The following RET variants were observed in gnomAD, a reference collection of about 807,000 sequenced individuals.
The protein encoded by RET is proto-oncogene tyrosine-protein kinase receptor Ret.
Under a neutral mutation model 118.3 loss-of-function variants are expected in RET, and 19 were observed. That is an observed-to-expected ratio of 0.16 (90% CI 0.11 to 0.24). The LOEUF (loss-of-function observed/expected upper bound fraction) is 0.24. RET is among the 10% of genes least tolerant of loss of function. The pLI, the probability that RET is intolerant of heterozygous loss-of-function variation, is 1.00. For synonymous variants in RET, 597 were observed against 644.1 expected, an observed-to-expected ratio of 0.93 and a Z score of 1.11; for missense variants, 1,219 against 1,502.1, an observed-to-expected ratio of 0.81 and a Z score of 3.12.
rs1158236145 is a variant in RET at position 43,111,288 on chromosome 10, T to C, written c.1345T>C (p.Cys449Arg). 6.2e-7 allele frequency: 1 copy of C among 1,614,172 alleles called. No homozygotes were observed. Among genetic ancestry groups the C allele is most frequent in the Admixed American group, 1.7e-5 (1 of 60,024 alleles). ...CAAGCTGCATTCCTCTGGTGCCAAC[T>C]GCAGCACGCTAGGGGTGGTCACCTC... ...QYKLHSSGAN[C>R]STLGVVTSAE... The change falls in exon 7 of 20, where the codon TGC (cysteine) becomes CGC (arginine). Residue 449 changes from cysteine to arginine, a missense_variant. Cys to Arg is a radical substitution (Grantham distance 180, BLOSUM62 -3). This residue lies in a region of RET where 850 missense variants were observed against 969.6 expected (regional missense o/e 0.88). Transcript: ENST00000355710.
chr10:43,096,157 T>C (rs1274368705), intron 1 of RET, among the ~76,000 whole-genome samples: 1 of 152,114 alleles, frequency 6.6e-6, no homozygotes, highest in African/African-American at 2.4e-5. Context: ...GGAAAAGCTT[T>C]GTAAGTCCTG....
rs886046985 is a variant in RET at position 43,077,127 on chromosome 10, G to T, written c.-132G>T. On this transcript the variant is annotated 5_prime_UTR_variant, in exon 1 of 20. Transcript: ENST00000355710. Reference sequence around the variant, plus strand: ...CTGAGTGCCCCGGAACGTGCGTCGCGCCCCCAGTGTCCGTCGCGTCCGCCG... The same window carrying T: ...CTGAGTGCCCCGGAACGTGCGTCGCTCCCCCAGTGTCCGTCGCGTCCGCCG... 1,728 of 1,237,016 alleles carry T rather than the reference G, an allele frequency of 1.4e-3. 7 individuals carry two copies. The highest frequency in any genetic ancestry group is 1.7e-3 in the Non-Finnish European group (1,604 of 971,700). The allele number at this position is 1,237,016 out of a possible 1,614,324, so 76.6% of individuals were successfully genotyped here.
chr10:43,083,106 A>G (rs1027137361), intron 1 of RET, among the ~76,000 whole-genome samples: 2 of 152,204 alleles, frequency 1.3e-5, no homozygotes, highest in African/African-American at 4.8e-5. Flanking sequence ...TCACCCAGGG[A>G]AACAACGGGG....
intron 3 of RET, 108 bp from the exon 4 acceptor site, chr10:43,104,844 C>T: frequency 1.3e-6 from 2 of 1,487,100 alleles, no homozygotes; most frequent in Non-Finnish European, 1.8e-6. Flanking sequence ...GGCCTGGGGC[C>T]GCGGCGGTGT....
intron 5 of RET, among the ~76,000 whole-genome samples, chr10:43,107,209 C>A (rs1272039733): frequency 6.6e-6 from 1 of 152,180 alleles, no homozygotes; most frequent in Non-Finnish European, 1.5e-5. Context: ...GAGTCCTTCA[C>A]CCCTTTCTGC....
chr10:43,101,120 ACTT>A (rs1837633694), intron 2 of RET, among the ~76,000 whole-genome samples: 1 of 152,136 alleles, frequency 6.6e-6, no homozygotes, highest in South Asian at 2.1e-4. Context: ...GGAAAGCCTG[ACTT>A]CTTATCAGCA....
chr10:43,109,330 A>C (rs544390490), intron 6 of RET, 100 bp downstream of exon 6: 2 of 1,201,274 alleles, frequency 1.7e-6, no homozygotes, highest in East Asian at 5.0e-5. Flanking sequence ...CAACCAGCAC[A>C]GAGTAGACTG....
chr10:43,080,928 C>T (rs1467199215), intron 1 of RET, among the ~76,000 whole-genome samples: 1 of 152,170 alleles, frequency 6.6e-6, no homozygotes, highest in African/African-American at 2.4e-5. Flanking sequence ...GCCCTGGCAT[C>T]GGATGGAAGC....
rs749093977 is a variant in RET, at chr10:43,111,248, C to T, written c.1305C>T (p.Gly435=). 4 of 1,614,146 alleles carry T rather than the reference C, an allele frequency of 2.5e-6. No individual in the cohort carries two copies. The highest frequency in any genetic ancestry group is 1.1e-5 in the South Asian group (1 of 91,084). ...TGGAAAACTGCCAGGCATTCAGTGG[C>T]ATCAACGTCCAGTACAAGCTGCATT... is the stretch of plus-strand genomic sequence containing the variant. The part of the protein sequence containing the change: ...VCVENCQAFS[G]INVQYKLHSS... Residue 435 remains glycine, a synonymous_variant, in exon 7 of 20, where the codon GGC becomes GGT. Coordinates refer to ENST00000355710, the MANE Select transcript of RET (RefSeq NM_020975.6).
intron 1 of RET, among the ~76,000 whole-genome samples, chr10:43,086,587 AG>A (rs1554816263): frequency 6.6e-6 from 1 of 152,238 alleles, no homozygotes; most frequent in Non-Finnish European, 1.5e-5. Flanking sequence ...CCTGCAGCCA[AG>A]GGGGCCAGTG....
Position 43,106,945 on chromosome 10 carries a change from A to T in RET, c.1063+374A>T, listed in dbSNP as rs1293400992. ...AAGGCGTCCCAAGTGCTTACGGATTATTGCTCCAGCCTCAGCAGCTCTCTG... is the reference window on the plus strand; with the variant it reads ...AAGGCGTCCCAAGTGCTTACGGATTTTTGCTCCAGCCTCAGCAGCTCTCTG... On this transcript the variant is annotated intron_variant, in intron 5 of 19. Coordinates refer to ENST00000355710, the MANE Select transcript of RET (RefSeq NM_020975.6). The surrounding 1 kb of genome is among the most constrained non-coding windows in gnomAD (Gnocchi z 5.1). 1.3e-5 allele frequency among the ~76,000 whole-genome samples: 2 copies of T among 152,090 alleles called. No individual in the cohort carries two copies. The highest frequency in any genetic ancestry group is 2.9e-5 in the Non-Finnish European group (2 of 68,026).
In RET at chr10:43,077,196, G is replaced by A. The variant is rs1837061574; in HGVS notation, c.-63G>A. 2.1e-6 allele frequency: 3 copies of A among 1,419,406 alleles called. No individual in the cohort carries two copies. The highest frequency in any genetic ancestry group is 2.6e-5 in the Admixed American group (1 of 37,840). The allele number at this position is 1,419,406 out of a possible 1,614,324, so 87.9% of individuals were successfully genotyped here. On this transcript the variant is annotated 5_prime_UTR_variant, in exon 1 of 20. Transcript: ENST00000355710. ...GGCGGCCAGACTGAGCGCCGCACCC[G>A]CCATCCAGACCCGCCGGCCCTAGCC...
rs118027913 is a variant in RET, at chr10:43,108,915, G to A, written c.1064-116G>A. On this transcript the variant is annotated intron_variant, in intron 5 of 19. Coordinates refer to ENST00000355710, the MANE Select transcript of RET (RefSeq NM_020975.6). ...AGGCCTGTTGCATGGCACTGTATGT[G>A]TGAAAGTGCGTGTTTGCACCAGTGT... is the stretch of plus-strand genomic sequence containing the variant. 6 of 999,598 alleles carry A rather than the reference G, an allele frequency of 6.0e-6. No individual in the cohort carries two copies. In the East Asian group the frequency reaches 1.4e-4, roughly 24 times the overall value. The allele number at this position is 999,598 out of a possible 1,614,324, so 61.9% of individuals were successfully genotyped here.
At chr10:43,087,035 G>C (rs1837304629) in intron 1 of RET, among the ~76,000 whole-genome samples, 1 of 152,246 alleles carries the variant, frequency 6.6e-6, no homozygotes, top group Non-Finnish European at 1.5e-5. Context: ...CTCATGTCCT[G>C]GTTGCAGTTC....
chr10:43,092,104 G>C (rs1204348685), intron 1 of RET, among the ~76,000 whole-genome samples: 1 of 152,214 alleles, frequency 6.6e-6, no homozygotes, highest in Non-Finnish European at 1.5e-5. Context: ...ATTGACCAAT[G>C]AATGGATAAG....
At chr10:43,103,095 G>A (rs776194583) in intron 3 of RET, among the ~76,000 whole-genome samples, 18 of 152,306 alleles carry the variant, frequency 1.2e-4, no homozygotes, top group South Asian at 4.1e-4. Context: ...TGTGACCCTC[G>A]TGTGCCTGGA....
At chr10:43,087,028 A>G (rs1479817516) in intron 1 of RET, among the ~76,000 whole-genome samples, 1 of 152,260 alleles carries the variant, frequency 6.6e-6, no homozygotes, top group Admixed American at 6.5e-5. Flanking sequence ...CAGGAGGCTC[A>G]TGTCCTGGTT....
At chr10:43,091,656 CAACA>C (rs1165262222) in intron 1 of RET, among the ~76,000 whole-genome samples, 1 of 146,728 alleles carries the variant, frequency 6.8e-6, no homozygotes, top group African/African-American at 2.5e-5. Context: ...CCAACAACAA[CAACA>C]AAAAAAATGA....
intron 1 of RET, among the ~76,000 whole-genome samples, chr10:43,080,980 T>G (rs1324687421): frequency 6.6e-6 from 1 of 152,134 alleles, no homozygotes; most frequent in Non-Finnish European, 1.5e-5. Context: ...GGTTTGGGCA[T>G]CAGGGATGGG....
Sources: gnomAD v4.1 joint callset for allele counts (sites outside exome capture counted in the v4.1 genomes callset) on GRCh38, gnomAD v4.1.1 for gene constraint, gnomAD v4.1.1 regional missense constraint, Gnocchi (gnomAD v3.1) non-coding constraint, MANE v1.5 for transcripts, NCBI Gene and HGNC (gene_info 2026-07-23, HGNC 2026-07-21) for gene names.